ACOXL: variants seen among roughly 807,000 people sequenced by gnomAD.
ACOXL encodes the protein acyl-coenzyme A oxidase-like protein.
Under a neutral mutation model 71.9 loss-of-function variants are expected in ACOXL, and 70 were observed. The ratio of observed to expected loss-of-function variants is 0.97; its 90% CI spans 0.80 to 1.19. The LOEUF is 1.19. Ranked by LOEUF, ACOXL falls within the 50% of genes most tolerant of loss-of-function variation. ACOXL has a pLI of 0.00. For missense variants in ACOXL, 703 were observed against 736.3 expected, an observed-to-expected ratio of 0.95 and a Z score of 0.52; for synonymous variants, 253 against 281.6, an observed-to-expected ratio of 0.90 and a Z score of 1.02.
intron 12 of ACOXL, among the ~76,000 whole-genome samples, chr2:110,956,888 A>T (rs2061521831): frequency 6.6e-6 from 1 of 152,196 alleles, no homozygotes; most frequent in Admixed American, 6.5e-5. Flanking sequence ...AATGGGACAC[A>T]ACCTTCATGA....
chr2:111,117,660 G>A lies in ACOXL; in HGVS notation c.1587G>A (p.Val529=). ...CDSVKDDARR[V]ISTFNIPHTY... ...CGGTGAAGGATGATGCCCGGAGGGT[G>A]ATCTCGACCTTTAACATTCCACACA... The change falls in exon 18 of 18, where the codon GTG becomes GTA. Residue 529 remains valine, a synonymous_variant. Transcript: ENST00000439055. 1 of 1,551,790 alleles carries A rather than the reference G, an allele frequency of 6.4e-7. No individual in the cohort carries two copies. The highest frequency in any genetic ancestry group is 1.2e-5 in the South Asian group (1 of 84,068).
chr2:110,952,259 A>G (rs1046519243), intron 12 of ACOXL, among the ~76,000 whole-genome samples: 1 of 152,166 alleles, frequency 6.6e-6, no homozygotes, highest in Non-Finnish European at 1.5e-5. Context: ...AAATTTATCA[A>G]CCATAAAGTC....
Position 110,985,841 on chromosome 2 carries a change from A to G in ACOXL, c.1060-1267A>G, listed in dbSNP as rs201071874. On this transcript the variant is annotated intron_variant, in intron 12 of 17. Coordinates refer to ENST00000439055, the MANE Select transcript of ACOXL (RefSeq NM_001142807.4). ...GTATGGCACAGTCCTCTGTTGGTTG[A>G]GACGGTCCCATGCATTTCATACCTG... Among the ~76,000 whole-genome samples the G allele has an allele frequency of 3.7e-4, 57 of 152,330 alleles. 1 individual carries two copies. In the East Asian group the frequency reaches 0.01, roughly 28 times the overall value.
chr2:110,887,840 C>G (rs1260489404), intron 10 of ACOXL: 1 of 152,106 alleles, frequency 6.6e-6, no homozygotes, highest in African/African-American at 2.4e-5. Flanking sequence ...TGGATAATAT[C>G]CAGGTTTTGC....
intron 2 of ACOXL, among the ~76,000 whole-genome samples, chr2:110,773,211 G>A (rs1682189072): frequency 6.6e-6 from 1 of 152,212 alleles, no homozygotes; most frequent in African/African-American, 2.4e-5. Flanking sequence ...AGAATTTTAG[G>A]TAATCTCCGT....
intron 10 of ACOXL, among the ~76,000 whole-genome samples, chr2:110,846,637 A>AAACG (rs1201229181): frequency 8.7e-6 from 1 of 114,658 alleles, no homozygotes; most frequent in African/African-American, 3.0e-5. Context: ...AAGTATGCAT[A>AAACG]CACGCACACA....
At chr2:111,081,234 T>A (rs1439681663) in intron 16 of ACOXL, among the ~76,000 whole-genome samples, 1 of 152,174 alleles carries the variant, frequency 6.6e-6, no homozygotes, top group Non-Finnish European at 1.5e-5. Context: ...TCAAATTCTC[T>A]CTGTTTGCAG....
chr2:111,042,879 A>G (rs2065849481), intron 15 of ACOXL, among the ~76,000 whole-genome samples: 1 of 152,194 alleles, frequency 6.6e-6, no homozygotes, highest in Non-Finnish European at 1.5e-5. Flanking sequence ...TGTGACCAGC[A>G]AGCCAGAGGA....
intron 10 of ACOXL, chr2:110,887,067 T>C (rs1456663293): frequency 2.1e-6 from 1 of 485,576 alleles, no homozygotes; most frequent in East Asian, 3.3e-5. Flanking sequence ...TGTATGTCTC[T>C]CCAGGCAGAT....
At chr2:110,835,075 G>A (rs367838620) in intron 9 of ACOXL, among the ~76,000 whole-genome samples, 4 of 152,282 alleles carry the variant, frequency 2.6e-5, no homozygotes, top group South Asian at 2.1e-4. Context: ...AACAAGCACC[G>A]CCTAGGTTTC....
chr2:110,745,693 C>A (rs1458699053), intron 1 of ACOXL, among the ~76,000 whole-genome samples: 1 of 152,198 alleles, frequency 6.6e-6, no homozygotes, highest in Admixed American at 6.5e-5. Flanking sequence ...TCTGGGTAGA[C>A]GCTTGCCGAC....
intron 12 of ACOXL, among the ~76,000 whole-genome samples, chr2:110,947,622 C>T (rs942828579): frequency 1.3e-5 from 2 of 152,234 alleles, no homozygotes; most frequent in African/African-American, 4.8e-5. Context: ...CCCTTCTCCC[C>T]CTCTGCCTCC....
At chr2:110,913,678 G>T (rs1271194089) in intron 11 of ACOXL, among the ~76,000 whole-genome samples, 1 of 152,132 alleles carries the variant, frequency 6.6e-6, no homozygotes, top group East Asian at 1.9e-4. Context: ...AAGAAAAGAG[G>T]TTTAGTTGGC....
intron 11 of ACOXL, among the ~76,000 whole-genome samples, chr2:110,910,604 C>G (rs186462712): frequency 2.6e-4 from 40 of 152,272 alleles, no homozygotes; most frequent in Admixed American, 2.4e-3. Flanking sequence ...TTCATCCTGA[C>G]CAACATTTGT....
chr2:110,799,460 T>G (rs1685689298), intron 7 of ACOXL, among the ~76,000 whole-genome samples: 1 of 152,204 alleles, frequency 6.6e-6, no homozygotes, highest in Non-Finnish European at 1.5e-5. Flanking sequence ...GTCTGCTCTC[T>G]GTGCTCTTGA....
intron 16 of ACOXL, among the ~76,000 whole-genome samples, chr2:111,068,132 G>A (rs2067160973): frequency 6.6e-6 from 1 of 152,224 alleles, no homozygotes; most frequent in Admixed American, 6.5e-5. Flanking sequence ...TGTCCTCCCA[G>A]GCCATCCGGG....
At chr2:110,921,403 T>G (rs1265279479) in intron 11 of ACOXL, among the ~76,000 whole-genome samples, 1 of 122,162 alleles carries the variant, frequency 8.2e-6, no homozygotes, top group African/African-American at 2.8e-5. Context: ...CCCCCCCCTT[T>G]TTTTTTTGAG....
At chr2:110,817,347 G>C (rs1198717028) in intron 9 of ACOXL, among the ~76,000 whole-genome samples, 1 of 152,240 alleles carries the variant, frequency 6.6e-6, no homozygotes, top group African/African-American at 2.4e-5. Flanking sequence ...GGGCAGTGCA[G>C]GGTTGTACAC....
In ACOXL at chr2:110,873,249, G is replaced by A. The variant is rs540324571; in HGVS notation, c.788+31844G>A. Among the ~76,000 whole-genome samples the A allele has an allele frequency of 9.9e-5, 15 of 152,194 alleles. No individual in the cohort carries two copies. The South Asian group carries it at 3.1e-3, about 32-fold the overall frequency. ...ATGGGAGGATCCTCGGGCAACAGGG[G>A]GCTGGTGGATTGGGCGCCCAGGCAC... is the stretch of plus-strand genomic sequence containing the variant. On this transcript the variant is annotated intron_variant, in intron 10 of 17. Transcript: ENST00000439055.
Sources: allele counts gnomAD v4.1 joint callset (sites outside exome capture counted in the v4.1 genomes callset), GRCh38; gene constraint gnomAD v4.1.1; transcripts MANE v1.5; gene names NCBI Gene and HGNC (gene_info 2026-07-23, HGNC 2026-07-21).